INPP4B: variants seen among roughly 807,000 people sequenced by gnomAD.
INPP4B encodes the protein inositol polyphosphate-4-phosphatase type II B, also known as inositol polyphosphate 4-phosphatase type II.
In INPP4B, 55 loss-of-function variants were observed where a neutral mutation model predicts 122.5. The ratio of observed to expected loss-of-function variants is 0.45; its 90% CI spans 0.36 to 0.56. INPP4B has a LOEUF of 0.56. INPP4B is among the 20% of genes least tolerant of loss of function. The pLI is 0.00. For synonymous variants in INPP4B, 403 were observed against 388.7 expected (o/e 1.04, Z -0.43); for missense variants, 1,000 against 1,097.7 (o/e 0.91, Z 1.26).
chr4:142,078,272 G>C (rs1771930616), intron 25 of INPP4B, among the ~76,000 whole-genome samples: 1 of 151,944 alleles, frequency 6.6e-6, no homozygotes, highest in Non-Finnish European at 1.5e-5. Context: ...TTTTGAATTA[G>C]GATAATATTT....
intron 1 of INPP4B, among the ~76,000 whole-genome samples, chr4:142,729,207 CT>C (rs1441989067): frequency 6.6e-6 from 1 of 152,172 alleles, no homozygotes; most frequent in Non-Finnish European, 1.5e-5. Flanking sequence ...GTAATGCTTG[CT>C]TGTCCACCAC....
chr4:142,432,815 G>C (rs1809621471), intron 3 of INPP4B, among the ~76,000 whole-genome samples: 1 of 152,096 alleles, frequency 6.6e-6, no homozygotes, highest in Non-Finnish European at 1.5e-5. Context: ...ATCTTCAAAT[G>C]TGAAAAGGAG....
chr4:142,654,589 T>A (rs929175492), intron 2 of INPP4B: 4 of 152,184 alleles, frequency 2.6e-5, no homozygotes, highest in Non-Finnish European at 5.9e-5. Context: ...TTGATTACAT[T>A]TTTCTTGTTT....
intron 9 of INPP4B, among the ~76,000 whole-genome samples, chr4:142,271,599 T>G (rs571882184): frequency 1.3e-5 from 2 of 152,290 alleles, no homozygotes; most frequent in Admixed American, 1.3e-4. Flanking sequence ...GTACAAAAGA[T>G]TCTCTCCTAG....
At chr4:142,110,960 T>C (rs1220103599) in intron 22 of INPP4B, among the ~76,000 whole-genome samples, 1 of 152,060 alleles carries the variant, frequency 6.6e-6, no homozygotes, top group Non-Finnish European at 1.5e-5. Context: ...TCTACTGTAG[T>C]GTACCGAAGA....
intron 10 of INPP4B, among the ~76,000 whole-genome samples, chr4:142,270,444 G>C (rs1026411457): frequency 6.6e-6 from 1 of 152,170 alleles, no homozygotes. Context: ...GAAGAGGAAG[G>C]TGCTTCTGAA....
chr4:142,029,724 TAA>T (rs1738619602), intron 25 of INPP4B: 2 of 990,330 alleles, frequency 2.0e-6, no homozygotes, highest in Non-Finnish European at 2.4e-6. Flanking sequence ...ACAGTGGAAA[TAA>T]AGTCTGCAAC....
intron 17 of INPP4B, among the ~76,000 whole-genome samples, chr4:142,155,898 T>G (rs1470034944): frequency 6.6e-6 from 1 of 150,770 alleles, no homozygotes; most frequent in Non-Finnish European, 1.5e-5. Flanking sequence ...GACTATGAAT[T>G]TGTGCTATTG....
chr4:142,712,916 C>G (rs1043001864), intron 2 of INPP4B, among the ~76,000 whole-genome samples: 5 of 152,162 alleles, frequency 3.3e-5, no homozygotes, highest in Non-Finnish European at 5.9e-5. Flanking sequence ...AGGGGAATAA[C>G]AAACATGTCC....
chr4:142,715,993 A>G (rs1214700740), intron 2 of INPP4B, among the ~76,000 whole-genome samples: 2 of 152,182 alleles, frequency 1.3e-5, no homozygotes, highest in Non-Finnish European at 2.9e-5. Flanking sequence ...TTCTCACAAC[A>G]TGATAGCCAG....
At chr4:142,768,631 G>A (rs533677964) in intron 1 of INPP4B, among the ~76,000 whole-genome samples, 69 of 152,332 alleles carry the variant, frequency 4.5e-4, no homozygotes, top group African/African-American at 1.6e-3. Flanking sequence ...ATGTCAAGTG[G>A]TTAAAGCAAA....
intron 23 of INPP4B, among the ~76,000 whole-genome samples, chr4:142,086,729 C>A (rs1777004198): frequency 6.6e-6 from 1 of 152,116 alleles, no homozygotes; most frequent in Admixed American, 6.5e-5. Flanking sequence ...TATTAATTTA[C>A]CTGTTTTTTT....
At chr4:142,095,198 G>A (rs771872954) in intron 23 of INPP4B, among the ~76,000 whole-genome samples, 5 of 152,158 alleles carry the variant, frequency 3.3e-5, no homozygotes, top group Non-Finnish European at 5.9e-5. Flanking sequence ...ATTCTGTGAT[G>A]CAGAATTGGG....
intron 1 of INPP4B, among the ~76,000 whole-genome samples, chr4:142,798,412 A>G (rs1210629928): frequency 6.6e-6 from 1 of 151,882 alleles, no homozygotes; most frequent in Non-Finnish European, 1.5e-5. Flanking sequence ...AAAACTTATT[A>G]TGGTTTCAGA....
At chr4:142,650,788 C>A (rs895048308) in intron 2 of INPP4B, among the ~76,000 whole-genome samples, 5 of 152,112 alleles carry the variant, frequency 3.3e-5, no homozygotes, top group Admixed American at 1.3e-4. Context: ...TTTAACACCC[C>A]ACTGTCAATA....
At chr4:142,029,151 T>C in intron 25 of INPP4B, 6 of 1,203,896 alleles carry the variant, frequency 5.0e-6, no homozygotes, top group Non-Finnish European at 6.2e-6. Flanking sequence ...ACATTTAAAA[T>C]TTAATAAACT....
At chr4:142,488,856 T>C (rs926639206) in intron 2 of INPP4B, among the ~76,000 whole-genome samples, 1 of 152,092 alleles carries the variant, frequency 6.6e-6, no homozygotes, top group Non-Finnish European at 1.5e-5. Context: ...TCACTTTTTC[T>C]ATTTGATTAC....
chr4:142,151,730 A>G (rs1814035300), intron 17 of INPP4B, among the ~76,000 whole-genome samples: 1 of 152,156 alleles, frequency 6.6e-6, no homozygotes, highest in African/African-American at 2.4e-5. Flanking sequence ...AGGCACATCT[A>G]TAGTTGGGTA....
intron 25 of INPP4B, among the ~76,000 whole-genome samples, chr4:142,063,576 G>A (rs1762056852): frequency 6.6e-6 from 1 of 152,002 alleles, no homozygotes; most frequent in South Asian, 2.1e-4. Context: ...TTAACATTTG[G>A]TTGGAGATAA....
Sources: allele counts gnomAD v4.1 joint callset (sites outside exome capture counted in the v4.1 genomes callset), GRCh38; gene constraint gnomAD v4.1.1; transcripts MANE v1.5; gene names NCBI Gene and HGNC (gene_info 2026-07-23, HGNC 2026-07-21).